Variants in LARGE1 observed in about 807,000 individuals in gnomAD.
The protein encoded by LARGE1 is LARGE xylosyl- and glucuronyltransferase 1, also known as xylosyl- and glucuronyltransferase LARGE1.
A neutral mutation model predicts 87.6 loss-of-function variants in LARGE1; 43 were observed. The observed-to-expected ratio is 0.49, with a 90% CI of 0.38 to 0.63. The LOEUF (loss-of-function observed/expected upper bound fraction) is 0.63, where lower values mean the gene tolerates loss of function less well. Among genes scored for constraint, LARGE1 ranks in the 30% least tolerant of loss-of-function variants. The pLI is 0.00. For synonymous variants in LARGE1, 434 were observed against 394.6 expected, an observed-to-expected ratio of 1.10 and a Z score of -1.18; for missense variants, 802 against 1,000.2, an observed-to-expected ratio of 0.80 and a Z score of 2.67.
intron 1 of LARGE1, among the ~76,000 whole-genome samples, chr22:33,805,698 C>A (rs2146115657): frequency 6.6e-6 from 1 of 152,064 alleles, no homozygotes; most frequent in East Asian, 1.9e-4. Context: ...CACACCACTG[C>A]ACTCCAGCCT....
intron 1 of LARGE1, among the ~76,000 whole-genome samples, chr22:33,908,353 C>T (rs1360849020): frequency 6.6e-6 from 1 of 151,916 alleles, no homozygotes; most frequent in Non-Finnish European, 1.5e-5. Flanking sequence ...GTGCTCAGTA[C>T]CAGGAAAAGC....
the LARGE1 span, among the ~76,000 whole-genome samples, chr22:33,102,055 G>A: frequency 0.053 from 8,051 of 151,960 alleles, 299 homozygotes; most frequent in Non-Finnish European, 0.083. Flanking sequence ...CCATTCATAC[G>A]GTAGCCAAGC....
intron 4 of LARGE1, among the ~76,000 whole-genome samples, chr22:33,621,118 A>C (rs1474160448): frequency 6.6e-6 from 1 of 152,202 alleles, no homozygotes; most frequent in African/African-American, 2.4e-5. Flanking sequence ...ATTTTATATA[A>C]GCATTGCTTC....
chr22:33,886,665 A>G (rs1334273773), intron 1 of LARGE1, among the ~76,000 whole-genome samples: 1 of 149,060 alleles, frequency 6.7e-6, no homozygotes, highest in African/African-American at 2.4e-5. Context: ...CCAAAAAAAA[A>G]AAAAAAAAAG....
At chr22:33,115,109 A>G in the LARGE1 span, among the ~76,000 whole-genome samples, 1 of 152,208 alleles carries the variant, frequency 6.6e-6, no homozygotes, top group African/African-American at 2.4e-5. Flanking sequence ...GTGGGATAGT[A>G]GATATTACAA....
At chr22:33,756,612 T>C (rs1195862263) in intron 2 of LARGE1, among the ~76,000 whole-genome samples, 1 of 152,112 alleles carries the variant, frequency 6.6e-6, no homozygotes. Context: ...GAGGGCGATG[T>C]ACACCAGGAC....
chr22:33,068,303 T>G, the LARGE1 span, among the ~76,000 whole-genome samples: 21 of 152,084 alleles, frequency 1.4e-4, no homozygotes, highest in Non-Finnish European at 2.5e-4. Flanking sequence ...CCCCCAAATA[T>G]CTCCATTACG....
At chr22:33,462,312 A>C (rs889054507) in intron 6 of LARGE1, among the ~76,000 whole-genome samples, 11 of 152,168 alleles carry the variant, frequency 7.2e-5, no homozygotes, top group African/African-American at 2.4e-4. Flanking sequence ...GGGATGGCAA[A>C]ATAAAGACAT....
At chr22:33,743,760 C>T (rs79433024) in intron 2 of LARGE1, among the ~76,000 whole-genome samples, 3,950 of 152,286 alleles carry the variant, frequency 0.026, 167 homozygotes, top group African/African-American at 0.088. Context: ...AGGGAGTCCT[C>T]GACTTGTCAC....
intron 5 of LARGE1, among the ~76,000 whole-genome samples, chr22:33,571,856 T>A (rs779900033): frequency 6.6e-6 from 1 of 152,140 alleles, no homozygotes; most frequent in Non-Finnish European, 1.5e-5. Context: ...GGACCTGGCT[T>A]ATTCAATGTG....
intron 6 of LARGE1, among the ~76,000 whole-genome samples, chr22:33,520,264 G>C (rs2071517856): frequency 6.6e-6 from 1 of 151,942 alleles, no homozygotes; most frequent in Non-Finnish European, 1.5e-5. Flanking sequence ...TGTACTGATG[G>C]GGGGTCTCAC....
intron 10 of LARGE1, among the ~76,000 whole-genome samples, chr22:33,327,098 C>T (rs1375641090): frequency 6.6e-6 from 1 of 152,208 alleles, no homozygotes; most frequent in Non-Finnish European, 1.5e-5. Context: ...TCTGGGCTTT[C>T]TCCGGGATTC....
At chr22:33,850,692 C>T (rs2063559386) in intron 1 of LARGE1, among the ~76,000 whole-genome samples, 1 of 152,114 alleles carries the variant, frequency 6.6e-6, no homozygotes, top group South Asian at 2.1e-4. Context: ...CTGGCTAACA[C>T]ATTTTCCCAT....
chr22:33,386,931 G>C (rs570618731), intron 7 of LARGE1, among the ~76,000 whole-genome samples: 2 of 145,736 alleles, frequency 1.4e-5, no homozygotes, highest in East Asian at 4.0e-4. Context: ...GTGAAACCCC[G>C]TCTCTACTAA....
chr22:33,165,215 C>T (rs1922203076), exon 12 of LARGE1: 1 of 152,120 alleles, frequency 6.6e-6, no homozygotes, highest in Admixed American at 6.5e-5. Context: ...GGGATAGATC[C>T]TGAAGAAGCC....
At chr22:33,655,428 T>C (rs1408072992) in intron 2 of LARGE1, among the ~76,000 whole-genome samples, 1 of 152,176 alleles carries the variant, frequency 6.6e-6, no homozygotes, top group African/African-American at 2.4e-5. Flanking sequence ...GAATTTGGAC[T>C]GGAACTACAC....
intron 2 of LARGE1, among the ~76,000 whole-genome samples, chr22:33,682,234 G>C (rs1433772556): frequency 6.6e-6 from 1 of 152,156 alleles, no homozygotes; most frequent in African/African-American, 2.4e-5. Context: ...CCTATACAGA[G>C]GCTGCACCAA....
At chr22:33,912,995 T>C (rs2065681987) in intron 1 of LARGE1, among the ~76,000 whole-genome samples, 1 of 150,980 alleles carries the variant, frequency 6.6e-6, no homozygotes, top group Non-Finnish European at 1.5e-5. Context: ...CACGCCCGGC[T>C]AATTTTTGTA....
chr22:33,154,343 C>T, the LARGE1 span, among the ~76,000 whole-genome samples: 15 of 152,088 alleles, frequency 9.9e-5, no homozygotes, highest in South Asian at 4.1e-4. Context: ...CAGGTTCAGG[C>T]GATTCTCCTG....
Sources: gnomAD v4.1 joint callset for allele counts (sites outside exome capture counted in the v4.1 genomes callset) on GRCh38, gnomAD v4.1.1 for gene constraint, MANE v1.5 for transcripts, NCBI Gene and HGNC (gene_info 2026-07-23, HGNC 2026-07-21) for gene names.